BFAR: variants seen among roughly 807,000 people sequenced by gnomAD.
BFAR encodes the protein RING finger protein 47.
A neutral mutation model predicts 54.4 loss-of-function variants in BFAR; 52 were observed. The observed-to-expected ratio is 0.96, with a 90% CI of 0.77 to 1.21. The LOEUF (loss-of-function observed/expected upper bound fraction) is 1.21, where lower values mean the gene tolerates loss of function less well. Ranked by LOEUF, BFAR falls within the 50% of genes most tolerant of loss-of-function variation. The probability of loss-of-function intolerance (pLI) is 0.00; values close to 1 mark genes in which losing one functional copy is unlikely to be tolerated. For synonymous variants in BFAR, 215 were observed against 204.3 expected, an observed-to-expected ratio of 1.05 and a Z score of -0.45; for missense variants, 571 against 534.0, an observed-to-expected ratio of 1.07 and a Z score of -0.68.
chr16:14,658,403 A>AGAT (rs201735682), intron 5 of BFAR, among the ~76,000 whole-genome samples: 5,009 of 152,256 alleles, frequency 0.033, 183 homozygotes, highest in Admixed American at 0.1. Context: ...AGAGAAGGGA[A>AGAT]GATGGAGCTT....
At chr16:14,641,687 C>A (rs1255443485) in intron 1 of BFAR, among the ~76,000 whole-genome samples, 1 of 151,950 alleles carries the variant, frequency 6.6e-6, no homozygotes, top group African/African-American at 2.4e-5. Flanking sequence ...CATGGTGAAA[C>A]CCCCATCTCG....
chr16:14,664,770 G>C (rs1396870208), intron 6 of BFAR, 99 bp from the exon 7 acceptor site: 1 of 1,163,514 alleles, frequency 8.6e-7, no homozygotes, highest in African/African-American at 1.5e-5. Flanking sequence ...AAAGTGGTGG[G>C]ATTACAGGTG....
In BFAR at chr16:14,659,225, G is replaced by GTTTTTTT. The variant is rs1295639386; in HGVS notation, c.784-2665_784-2659dup. 8.1e-4 allele frequency among the ~76,000 whole-genome samples: 115 copies of GTTTTTTT among 141,402 alleles called. 3 individuals are homozygous for GTTTTTTT. Among genetic ancestry groups the GTTTTTTT allele is most frequent in the Middle Eastern group, 4.3e-3 (1 of 230 alleles). 92.8% of individuals were successfully genotyped at this position (141,402 alleles called of 152,430 possible). ...TGCCCAGCCTGTAGTATGCAATTTG[G>GTTTTTTT]TTTTTTTTGTTTTTTTTTGTTTTTT... On this transcript the variant is annotated intron_variant, in intron 5 of 7. Transcript: ENST00000261658.
At chr16:14,659,233 T>G (rs1026603161) in intron 5 of BFAR, among the ~76,000 whole-genome samples, 2 of 148,404 alleles carry the variant, frequency 1.3e-5, no homozygotes, top group African/African-American at 5.0e-5. Context: ...TGGTTTTTTT[T>G]GTTTTTTTTT....
chr16:14,664,917 T>A lies in BFAR; in HGVS notation c.1006T>A (p.Tyr336Asn). Residue 336 changes from tyrosine to asparagine, a missense_variant, in exon 7 of 8, where the codon TAC (tyrosine) becomes AAC (asparagine). Transcript: ENST00000261658. Reference sequence around the variant, plus strand: ...GCAGTGGAGAGAGTTCCTGGTCAAATACTCCTTCCTTCCATACCAGCTGAT... The same window carrying A: ...GCAGTGGAGAGAGTTCCTGGTCAAAAACTCCTTCCTTCCATACCAGCTGAT... ...WKQWREFLVKYSFLPYQLIAE... is the reference protein window; with the variant it reads ...WKQWREFLVKNSFLPYQLIAE... 5 of 1,614,074 alleles carry A rather than the reference T, an allele frequency of 3.1e-6. No individual in the cohort carries two copies. The highest frequency in any genetic ancestry group is 4.2e-6 in the Non-Finnish European group (5 of 1,179,932).
chr16:14,664,667 T>A (rs893857902), intron 6 of BFAR, among the ~76,000 whole-genome samples: 3 of 152,072 alleles, frequency 2.0e-5, no homozygotes, highest in African/African-American at 7.2e-5. Flanking sequence ...GTCTGGCCAA[T>A]TTTTGAATTT....
chr16:14,656,210 A>T (rs1165509364), intron 5 of BFAR, among the ~76,000 whole-genome samples: 1 of 152,066 alleles, frequency 6.6e-6, no homozygotes, highest in Middle Eastern at 3.2e-3. Context: ...CCAAAAAAAA[A>T]AGCAAAGAAC....
At chr16:14,639,681 CCTTTT>C (rs1201152314) in intron 1 of BFAR, among the ~76,000 whole-genome samples, 1 of 152,146 alleles carries the variant, frequency 6.6e-6, no homozygotes, top group Middle Eastern at 3.2e-3. Context: ...CCCAGTCTTT[CCTTTT>C]CTTTTAGGGA....
chr16:14,639,245 T>C (rs1405985464), intron 1 of BFAR, among the ~76,000 whole-genome samples: 1 of 151,970 alleles, frequency 6.6e-6, no homozygotes, highest in African/African-American at 2.4e-5. Context: ...TCCACCCGCC[T>C]CAGCCTCCCA....
chr16:14,651,271 T>C (rs1959959095), intron 4 of BFAR, among the ~76,000 whole-genome samples: 1 of 152,226 alleles, frequency 6.6e-6, no homozygotes, highest in Admixed American at 6.5e-5. Flanking sequence ...ATTAATTTGC[T>C]GGAGCAGCTC....
intron 2 of BFAR, among the ~76,000 whole-genome samples, chr16:14,646,347 C>A (rs1168685561): frequency 6.6e-6 from 1 of 152,158 alleles, no homozygotes; most frequent in Non-Finnish European, 1.5e-5. Context: ...GCCACCGTGC[C>A]TGGTGAATGT....
At chr16:14,661,841 G>C in intron 5 of BFAR, 51 bp from the exon 6 acceptor site, 1 of 1,593,760 alleles carries the variant, frequency 6.3e-7, no homozygotes. Context: ...GCGTGGGTGG[G>C]TAGCTGGCCG....
chr16:14,646,434 C>T (rs1001844892), intron 2 of BFAR, among the ~76,000 whole-genome samples: 2 of 152,094 alleles, frequency 1.3e-5, no homozygotes, highest in Admixed American at 1.3e-4. Flanking sequence ...GTGATCCGCC[C>T]GTCTTGGCCT....
chr16:14,661,857 G>A (rs1022055157), intron 5 of BFAR, 35 bp from the exon 6 acceptor site: 1 of 1,608,168 alleles, frequency 6.2e-7, no homozygotes, highest in Non-Finnish European at 8.5e-7. Context: ...GGCCGCCATG[G>A]TTGTAATGTG....
At chr16:14,651,931 G>T (rs1198129617) in intron 4 of BFAR, among the ~76,000 whole-genome samples, 1 of 147,048 alleles carries the variant, frequency 6.8e-6, no homozygotes, top group African/African-American at 2.5e-5. Context: ...CTGTCCTTCA[G>T]GCTGGAGTGT....
rs533781045 is a variant in BFAR, at chr16:14,642,842, G to A, written c.-73-1432G>A. On this transcript the variant is annotated intron_variant, in intron 1 of 7. Transcript: ENST00000261658. Reference sequence around the variant, plus strand: ...CCCAGACATTTTACTAGGCCAAGAAGCTGGTTTATTTAAAGTCATAGACCT... The same window carrying A: ...CCCAGACATTTTACTAGGCCAAGAAACTGGTTTATTTAAAGTCATAGACCT... 3.9e-5 allele frequency among the ~76,000 whole-genome samples: 6 copies of A among 152,348 alleles called. No homozygotes were observed. The East Asian group carries it at 9.6e-4, about 24-fold the overall frequency.
rs941018002 is a variant in BFAR, at chr16:14,640,323, C to A, written c.-73-3951C>A. On this transcript the variant is annotated intron_variant, in intron 1 of 7. Coordinates refer to ENST00000261658, the MANE Select transcript of BFAR (RefSeq NM_016561.3). Reference sequence around the variant, plus strand: ...AGGGGATGAAAGCTCGGGGGTCAGGCAGGTAACAGAACTGAAATGGACAGG... The same window carrying A: ...AGGGGATGAAAGCTCGGGGGTCAGGAAGGTAACAGAACTGAAATGGACAGG... Among the ~76,000 whole-genome samples the A allele has an allele frequency of 3.9e-5, 6 of 152,116 alleles. No homozygotes were observed. In the East Asian group the frequency reaches 1.2e-3, roughly 29 times the overall value.
chr16:14,652,104 G>A (rs1462919885), intron 4 of BFAR, among the ~76,000 whole-genome samples: 1 of 150,738 alleles, frequency 6.6e-6, no homozygotes, highest in Non-Finnish European at 1.5e-5. Flanking sequence ...CCAGGCTGGT[G>A]TTGAACTACT....
chr16:14,640,915 A>G (rs556651425), intron 1 of BFAR, among the ~76,000 whole-genome samples: 2 of 152,176 alleles, frequency 1.3e-5, no homozygotes, highest in Non-Finnish European at 1.5e-5. Flanking sequence ...ATCTCTCCAG[A>G]TACCAGTTGT....
Sources: allele counts gnomAD v4.1 joint callset (sites outside exome capture counted in the v4.1 genomes callset), GRCh38; gene constraint gnomAD v4.1.1; transcripts MANE v1.5; gene names NCBI Gene and HGNC (gene_info 2026-07-23, HGNC 2026-07-21).